Variants in IRF1 observed in about 807,000 individuals in gnomAD.
IRF1 encodes the protein interferon regulatory factor 1, also known as interferon regulatory factor-1.
In IRF1, 13 loss-of-function variants were observed where a neutral mutation model predicts 43.7. That is an observed-to-expected ratio of 0.30 (90% CI 0.19 to 0.47). IRF1 has a LOEUF of 0.47. Ranked by LOEUF, IRF1 falls within the 20% of genes least tolerant of loss-of-function variation. The pLI is 0.99. For synonymous variants in IRF1, 138 were observed against 146.8 expected, an observed-to-expected ratio of 0.94 and a Z score of 0.43; for missense variants, 236 against 408.9, an observed-to-expected ratio of 0.58 and a Z score of 3.65.
Position 132,487,113 on chromosome 5 carries a change from C to T in IRF1, c.205G>A (p.Glu69Lys). ...CACGTCTTGGGATCTGGCTCCTTTT[C>T]CCCTGCTTTGTATCGGCCTAGAGGG... ...AIHTGRYKAG[E>K]KEPDPKTWKA... Residue 69 changes from glutamate to lysine, a missense_variant, in exon 4 of 10, where the codon GAA becomes AAA. This residue lies in a region of IRF1 where 66 missense variants were observed against 157.1 expected (regional missense o/e 0.42). Transcript: ENST00000245414. The T allele has an allele frequency of 1.2e-6, 2 of 1,614,176 alleles. No individual in the cohort carries two copies. The highest frequency in any genetic ancestry group is 8.5e-7 in the Non-Finnish European group (1 of 1,180,022).
rs146613421 is a variant in IRF1 at position 132,484,399 on chromosome 5, A to G, written c.816T>C (p.Phe272=). 3.7e-6 allele frequency: 6 copies of G among 1,614,068 alleles called. No individual in the cohort carries two copies. Among genetic ancestry groups the G allele is most frequent in the African/African-American group, 1.3e-5 (1 of 74,930 alleles). ...GVQPTSVYGD[F]SCKEEPEIDS... The stretch of plus-strand genomic sequence containing the variant: ...CAATTTCTGGCTCCTCCTTACAGCT[A>G]AAGTCTCCATAGACAGAGGTGGGCT... The change falls in exon 9 of 10, where the codon TTT becomes TTC. Residue 272 remains phenylalanine, a synonymous_variant. Transcript: ENST00000245414.
In IRF1 at chr5:132,489,868, C is replaced by T. The variant is rs1012245984; in HGVS notation, c.-5-385G>A. The T allele has an allele frequency of 1.4e-5, 3 of 211,118 alleles. No homozygotes were observed. The Admixed American group carries it at 1.4e-4, about 10-fold the overall frequency. 13.1% of individuals were successfully genotyped at this position (211,118 alleles called of 1,614,324 possible). A position where few individuals can be genotyped will look rare whatever the true frequency, so the allele number is the denominator to read the frequency against. On this transcript the variant is annotated intron_variant, in intron 1 of 9. Coordinates refer to ENST00000245414, the MANE Select transcript of IRF1 (RefSeq NM_002198.3). ...TTGCTTGATGCCAAGAAGAAATTCC[C>T]TTGACTTGAGTTGTAACCACTAGCT...
Position 132,486,578 on chromosome 5 carries a change from C to G in IRF1, c.523G>C (p.Val175Leu). The change falls in exon 6 of 10, where the codon GTG (valine) becomes CTG (leucine). Residue 175 changes from valine to leucine, a missense_variant. Val to Leu is a conservative substitution (Grantham distance 32, BLOSUM62 1). Around this residue, in one of 2 missense-constraint regions of IRF1, gnomAD observed 170 missense variants for 251.8 expected, o/e 0.68. Coordinates refer to ENST00000245414, the MANE Select transcript of IRF1 (RefSeq NM_002198.3). ...TVPGYMQDLE[V>L]EQALTPALSP... ...TCACCTGGAGTCAGGGCCTGCTCCA[C>G]CTCCAAGTCCTGCATGTAGCCTGGA... 6.2e-7 allele frequency: 1 copy of G among 1,614,130 alleles called. No individual in the cohort carries two copies. The highest frequency in any genetic ancestry group is 1.1e-5 in the South Asian group (1 of 91,082).
In IRF1 at chr5:132,490,564, C is replaced by A. The variant is rs1275389689; in HGVS notation, c.-25G>T. 2 of 152,172 alleles carry A rather than the reference C, an allele frequency of 1.3e-5. No individual in the cohort carries two copies. Among genetic ancestry groups the A allele is most frequent in the African/African-American group, 4.8e-5 (2 of 41,448 alleles). The allele number at this position is 152,172 out of a possible 1,614,324, so 9.4% of individuals were successfully genotyped here. ...ACTCACCTCTGCTGCAGGAGCGATT[C>A]GGCGGTCGCGCGCGAGGGTCCCGGC... On this transcript the variant is annotated 5_prime_UTR_variant, in exon 1 of 10. Transcript: ENST00000245414. The surrounding 1 kb of genome is among the most constrained non-coding windows in gnomAD (Gnocchi z 5.8).
Position 132,486,595 on chromosome 5 carries a change from T to C in IRF1, c.506A>G (p.Tyr169Cys). ...DDHSSYTVPG[Y>C]MQDLEVEQAL... is the part of the protein sequence containing the mutation. Reference sequence around the variant, plus strand: ...CTGCTCCACCTCCAAGTCCTGCATGTAGCCTGGAACTGTGTAGCTGCTGTG... The same window carrying C: ...CTGCTCCACCTCCAAGTCCTGCATGCAGCCTGGAACTGTGTAGCTGCTGTG... Residue 169 changes from tyrosine to cysteine, a missense_variant, in exon 6 of 10, where the codon TAC becomes TGC. Coordinates refer to ENST00000245414, the MANE Select transcript of IRF1 (RefSeq NM_002198.3). 5 of 1,614,160 alleles carry C rather than the reference T, an allele frequency of 3.1e-6. No individual in the cohort carries two copies. Among genetic ancestry groups the C allele is most frequent in the South Asian group, 2.2e-5 (2 of 91,086 alleles).
At chr5:132,488,067 A>C in intron 2 of IRF1, 42 bp from the exon 3 acceptor site, 1 of 1,469,572 alleles carries the variant, frequency 6.8e-7, no homozygotes, top group Non-Finnish European at 9.5e-7. Context: ...GTCAGGTCAG[A>C]GACCACAGAC....
Position 132,486,858 on chromosome 5 carries a change from G to A in IRF1, c.365-14C>T, listed in dbSNP as rs113737077. On this transcript the variant is annotated splice_polypyrimidine_tract_variant and intron_variant, in intron 4 of 9. Transcript: ENST00000245414. Reference sequence around the variant, plus strand: ...TCGACTTTCTTTCTGTGGGGCAGACGGGCTGTCAGCCTTGGTGCAGGCTCT... The same window carrying A: ...TCGACTTTCTTTCTGTGGGGCAGACAGGCTGTCAGCCTTGGTGCAGGCTCT... 30 of 1,614,108 alleles carry A rather than the reference G, an allele frequency of 1.9e-5. No homozygotes were observed. In the African/African-American group the frequency reaches 2.8e-4, roughly 15 times the overall value.
intron 2 of IRF1, chr5:132,489,062 G>C (rs1035106054): frequency 3.0e-5 from 7 of 232,858 alleles, no homozygotes; most frequent in African/African-American, 1.3e-4. Context: ...CTATTTGTTC[G>C]ATTGGAGCCC....
chr5:132,484,660 C>A, intron 8 of IRF1, 163 bp from the exon 9 acceptor site: 2 of 806,862 alleles, frequency 2.5e-6, no homozygotes, highest in East Asian at 2.6e-5. Flanking sequence ...GACAAGGGCC[C>A]GGGAGGGAGG....
At chr5:132,488,305 GCAC>G (rs1754598632) in intron 2 of IRF1, 1 of 337,964 alleles carries the variant, frequency 3.0e-6, no homozygotes, top group African/African-American at 2.1e-5. Context: ...CCCACACAGG[GCAC>G]CCTCCCCCAA....
chr5:132,488,423 C>G (rs1754603242), intron 2 of IRF1: 1 of 186,804 alleles, frequency 5.4e-6, no homozygotes, highest in African/African-American at 2.4e-5. Context: ...CACCTGGGAG[C>G]ATGGGCTCTT....
chr5:132,485,849 A>ACACACACACACACACACACACACAC lies in IRF1; in HGVS notation c.668-134_668-133insGTGTGTGTGTGTGTGTGTGTGTGTG, dbSNP rs111906639. On this transcript the variant is annotated intron_variant, in intron 7 of 9. Transcript: ENST00000245414. ...CTCTGACACACACACACACACACACACCCTCCCGGTGGACCTATCTGCCAT... is the reference window on the plus strand; with the variant it reads ...CTCTGACACACACACACACACACACACACACACACACACACACACACACACCCCTCCCGGTGGACCTATCTGCCAT... 1,319 of 669,794 alleles carry ACACACACACACACACACACACACAC rather than the reference A, an allele frequency of 2.0e-3. 14 individuals are homozygous for ACACACACACACACACACACACACAC. In the African/African-American group the frequency reaches 0.022, roughly 11 times the overall value. 41.5% of individuals were successfully genotyped at this position (669,794 alleles called of 1,614,324 possible).
chr5:132,488,563 A>G (rs950834107), intron 2 of IRF1: 4 of 153,478 alleles, frequency 2.6e-5, no homozygotes, highest in Admixed American at 1.9e-4. Flanking sequence ...ATGAGAAAAC[A>G]TATCCAACAA....
intron 9 of IRF1, 90 bp downstream of exon 9, chr5:132,484,272 C>A: frequency 7.3e-7 from 1 of 1,370,378 alleles, no homozygotes; most frequent in South Asian, 1.3e-5. Flanking sequence ...TGCTTTACCG[C>A]CCTGCTCCCT....
Position 132,482,509 on chromosome 5 carries a change from T to C in IRF1, c.*1442A>G, listed in dbSNP as rs6893937. 0.38 allele frequency: 57,290 copies of C among 151,266 alleles called. 11,183 individuals are homozygous for C. The highest frequency in any genetic ancestry group is 0.49 in the African/African-American group (20,109 of 41,240). 9.4% of individuals were successfully genotyped at this position (151,266 alleles called of 1,614,324 possible). On this transcript the variant is annotated 3_prime_UTR_variant, in exon 10 of 10. Coordinates refer to ENST00000245414, the MANE Select transcript of IRF1 (RefSeq NM_002198.3). ...CTGGGATTACAGGCGTGAGCCACCG[T>C]GCCCGGCCTAATTTTTGTATTTTTA...
At chr5:132,485,950 CCCTACTTCCTTCCTCA>C (rs34199964) in intron 7 of IRF1, 209,400 of 602,662 alleles carry the variant, frequency 0.35, 37,162 homozygotes, top group African/African-American at 0.49. Context: ...CCCACCCCTA[CCCTACTTCCTTCCTCA>C]CCCTCAGATG....
In IRF1 at chr5:132,483,704, T is replaced by C. The variant is rs1409537298; in HGVS notation, c.*247A>G. 4.2e-6 allele frequency: 2 copies of C among 474,958 alleles called. No homozygotes were observed. The highest frequency in any genetic ancestry group is 7.7e-6 in the Non-Finnish European group (2 of 260,742). 29.4% of individuals were successfully genotyped at this position (474,958 alleles called of 1,614,324 possible). ...ACTCCTGTCCAAGTCCCTGACCTGA[T>C]ACACTGGTCTCAGAACCTCATCTTC... On this transcript the variant is annotated 3_prime_UTR_variant, in exon 10 of 10. Transcript: ENST00000245414.
At chr5:132,484,182 G>T in intron 9 of IRF1, 107 bp from the exon 10 acceptor site, 1 of 1,487,774 alleles carries the variant, frequency 6.7e-7, no homozygotes, top group Non-Finnish European at 9.2e-7. Flanking sequence ...TCCCAGCACA[G>T]CAGTAAACAT....
chr5:132,481,925 C>T lies in IRF1; in HGVS notation c.*2026G>A, dbSNP rs1176175137. The T allele has an allele frequency of 6.6e-6, 1 of 152,384 alleles. No individual in the cohort carries two copies. The highest frequency in any genetic ancestry group is 1.5e-5 in the Non-Finnish European group (1 of 68,046). 9.4% of individuals were successfully genotyped at this position (152,384 alleles called of 1,614,324 possible). ...GCCTCAAAACTTAACACTCCTTGGGCCCCAGGAGCCCAGAATCAACTGACA... is the reference window on the plus strand; with the variant it reads ...GCCTCAAAACTTAACACTCCTTGGGTCCCAGGAGCCCAGAATCAACTGACA... On this transcript the variant is annotated 3_prime_UTR_variant, in exon 10 of 10. Coordinates refer to ENST00000245414, the MANE Select transcript of IRF1 (RefSeq NM_002198.3).
Sources: allele counts gnomAD v4.1 joint callset, GRCh38; gene constraint gnomAD v4.1.1; regional missense constraint gnomAD v4.1.1; non-coding constraint Gnocchi (gnomAD v3.1); transcripts MANE v1.5; gene names NCBI Gene and HGNC (gene_info 2026-07-23, HGNC 2026-07-21).